POLN: variants seen among roughly 807,000 people sequenced by gnomAD.
POLN encodes DNA polymerase nu, also known as DNA polymerase N.
In POLN, 108 loss-of-function variants were observed where a neutral mutation model predicts 113.5. That is an observed-to-expected ratio of 0.95 (90% CI 0.81 to 1.12). The LOEUF is 1.12. Ranked by LOEUF, POLN falls within the 50% of genes most tolerant of loss-of-function variation. The probability of loss-of-function intolerance (pLI) is 0.00; values close to 1 mark genes in which losing one functional copy is unlikely to be tolerated. For missense variants in POLN, 1,097 were observed against 1,077.1 expected (o/e 1.02, Z -0.26); for synonymous variants, 386 against 391.5 (o/e 0.99, Z 0.17).
At chr4:2,232,191 A>C in intron 2 of POLN, 2 of 1,017,192 alleles carry the variant, frequency 2.0e-6, no homozygotes, top group Non-Finnish European at 2.9e-6. Context: ...TAAAAATTAA[A>C]ACACTTTATT....
chr4:2,221,437 TCTGAGGTTCAC>T (rs1284320923), intron 3 of POLN, among the ~76,000 whole-genome samples: 1 of 152,218 alleles, frequency 6.6e-6, no homozygotes, highest in Non-Finnish European at 1.5e-5. Context: ...ATTCTATGCC[TCTGAGGTTCAC>T]CTGAGACAAA....
At chr4:2,112,182 T>C (rs1169997817) in intron 19 of POLN, among the ~76,000 whole-genome samples, 15 of 152,378 alleles carry the variant, frequency 9.8e-5, no homozygotes, top group African/African-American at 3.4e-4. Flanking sequence ...TGGCTAGCCA[T>C]ATGTAGAAAG....
intron 19 of POLN, among the ~76,000 whole-genome samples, chr4:2,102,098 T>C (rs562140332): frequency 1.1e-4 from 17 of 152,264 alleles, no homozygotes; most frequent in African/African-American, 3.9e-4. Flanking sequence ...ATAGTGGCTG[T>C]TGCCCTTCAC....
intron 6 of POLN, among the ~76,000 whole-genome samples, chr4:2,196,659 T>G (rs1221829190): frequency 6.7e-6 from 1 of 149,002 alleles, no homozygotes; most frequent in Non-Finnish European, 1.5e-5. Flanking sequence ...AAAAAGCCCA[T>G]GGTTTTTAGA....
At position 2,099,871 on chromosome 4, in the gene POLN, C is replaced by T. The variant is rs898394300; in HGVS notation, c.1983-3938G>A. ...TTAAAAAAGTGATCCAGTTCAAGAC[C>T]AGCCTGGGCAACATGATGAAACCTT... On this transcript the variant is annotated intron_variant, in intron 19 of 25. Coordinates refer to ENST00000511885, the MANE Select transcript of POLN (RefSeq NM_181808.4). Among the ~76,000 whole-genome samples, 5 of 151,924 alleles carry T rather than the reference C, an allele frequency of 3.3e-5. No homozygotes were observed. The South Asian group carries it at 1.0e-3, about 32-fold the overall frequency.
intron 16 of POLN, among the ~76,000 whole-genome samples, chr4:2,142,082 C>T (rs1002641090): frequency 2.0e-5 from 3 of 152,192 alleles, no homozygotes; most frequent in African/African-American, 7.2e-5. Flanking sequence ...TCAATGGCTT[C>T]CTTTATAATG....
intron 16 of POLN, among the ~76,000 whole-genome samples, chr4:2,137,679 G>T (rs572476937): frequency 3.9e-4 from 60 of 152,068 alleles, no homozygotes; most frequent in African/African-American, 1.4e-3. Context: ...CCAACCTCTT[G>T]AACACTGCTT....
At chr4:2,204,305 A>G (rs1266755641) in intron 5 of POLN, among the ~76,000 whole-genome samples, 1 of 152,116 alleles carries the variant, frequency 6.6e-6, no homozygotes, top group Non-Finnish European at 1.5e-5. Context: ...CAAGGCTACT[A>G]TGAACAACTT....
intron 7 of POLN, among the ~76,000 whole-genome samples, chr4:2,186,185 T>C (rs991340746): frequency 3.3e-5 from 5 of 152,190 alleles, no homozygotes; most frequent in Non-Finnish European, 5.9e-5. Flanking sequence ...AAAGTGAGAC[T>C]GAGGTGGACA....
rs530588986 is a variant in POLN at position 2,079,601 on chromosome 4, C to T, written c.2387+1357G>A. 9 of 984,554 alleles carry T rather than the reference C, an allele frequency of 9.1e-6. No individual in the cohort carries two copies. In the East Asian group the frequency reaches 1.0e-3, roughly 112 times the overall value. 61.0% of individuals were successfully genotyped at this position (984,554 alleles called of 1,614,324 possible). ...CTGAGAGTGAATCTTATTTTTTTTT[C>T]TGTTAGACAGAGTCTTGCTCTCACC... On this transcript the variant is annotated intron_variant, in intron 23 of 25. Transcript: ENST00000511885.
intron 20 of POLN, chr4:2,089,767 G>T: frequency 1.4e-6 from 1 of 727,306 alleles, no homozygotes; most frequent in South Asian, 1.8e-5. Flanking sequence ...CTTTAAATCT[G>T]GTATTTCTTT....
intron 2 of POLN, chr4:2,231,892 A>C (rs886606702): frequency 1.1e-6 from 1 of 891,920 alleles, no homozygotes; most frequent in Non-Finnish European, 1.8e-6. Context: ...TAAATAAAAG[A>C]GGACACGTAA....
chr4:2,208,606 C>A (rs34834939), intron 4 of POLN, 119 bp from the exon 5 acceptor site: 1 of 801,160 alleles, frequency 1.2e-6, no homozygotes, highest in East Asian at 2.9e-5. Flanking sequence ...CTTCATATTA[C>A]CTATGATCAA....
chr4:2,135,636 G>A (rs1731837035), intron 16 of POLN, among the ~76,000 whole-genome samples: 1 of 152,214 alleles, frequency 6.6e-6, no homozygotes, highest in Non-Finnish European at 1.5e-5. Flanking sequence ...AGTGACTGTG[G>A]TGGGAAGCGA....
intron 21 of POLN, among the ~76,000 whole-genome samples, chr4:2,084,439 C>A (rs1259060013): frequency 6.6e-6 from 1 of 152,238 alleles, no homozygotes; most frequent in Non-Finnish European, 1.5e-5. Flanking sequence ...CTGTCCTTGT[C>A]TGGATGCTTG....
intron 7 of POLN, among the ~76,000 whole-genome samples, chr4:2,183,260 A>C (rs1226661105): frequency 6.6e-6 from 1 of 152,226 alleles, no homozygotes; most frequent in African/African-American, 2.4e-5. Flanking sequence ...AGAATGTTAA[A>C]TACAGAGTAC....
intron 8 of POLN, chr4:2,177,195 T>G: frequency 2.7e-6 from 1 of 368,594 alleles, no homozygotes; most frequent in Middle Eastern, 4.1e-4. Flanking sequence ...ACCATGTGAC[T>G]CCTAGTTTGA....
At chr4:2,136,153 C>A (rs1311148970) in intron 16 of POLN, among the ~76,000 whole-genome samples, 1 of 152,212 alleles carries the variant, frequency 6.6e-6, no homozygotes, top group East Asian at 1.9e-4. Context: ...GCCCATGTGT[C>A]TCCTAAGCTG....
Position 2,156,801 on chromosome 4 carries a change from G to A in POLN, c.1718C>T (p.Ser573Leu). Reference protein sequence around the residue: ...NQTGTVTGRLSAKHPNIQGIS... With the variant: ...NQTGTVTGRLLAKHPNIQGIS... ...TAAACAACTTACAGGATGCTTGGCT[G>A]AAAGTCTTCCAGTCACAGTTCCAGT... The change falls in exon 16 of 26, where the codon TCA (serine) becomes TTA (leucine). Residue 573 changes from serine (S) to leucine (L), a missense_variant. Coordinates refer to ENST00000511885, the MANE Select transcript of POLN (RefSeq NM_181808.4). The A allele has an allele frequency of 1.9e-6, 3 of 1,612,850 alleles. No individual in the cohort carries two copies. Among genetic ancestry groups the A allele is most frequent in the Non-Finnish European group, 2.5e-6 (3 of 1,178,780 alleles).
Sources: gnomAD v4.1 joint callset for allele counts (sites outside exome capture counted in the v4.1 genomes callset) on GRCh38, gnomAD v4.1.1 for gene constraint, MANE v1.5 for transcripts, NCBI Gene and HGNC (gene_info 2026-07-23, HGNC 2026-07-21) for gene names.